Variants in ZDHHC2 observed in about 807,000 individuals in gnomAD.
The protein encoded by ZDHHC2 is zDHHC palmitoyltransferase 2.
ZDHHC2 carries 51 observed loss-of-function variants against 55.6 expected under a neutral mutation model. The ratio of observed to expected loss-of-function variants is 0.92; its 90% confidence interval spans 0.73 to 1.16. The LOEUF (loss-of-function observed/expected upper bound fraction) is 1.16, where lower values mean the gene tolerates loss of function less well. ZDHHC2 is among the 50% of genes most tolerant of loss of function. The pLI, the probability that ZDHHC2 is intolerant of heterozygous loss-of-function variation, is 0.00. For missense variants in ZDHHC2, 491 were observed against 442.4 expected (o/e 1.11, Z -0.99); for synonymous variants, 199 against 152.9 (o/e 1.30, Z -2.22).
At chr8:17,159,834 G>C (rs1210836266) in intron 1 of ZDHHC2, among the ~76,000 whole-genome samples, 3 of 152,182 alleles carry the variant, frequency 2.0e-5, no homozygotes, top group African/African-American at 7.2e-5. Context: ...TCTTCTATTT[G>C]TATTCCTCCC....
chr8:17,170,679 A>G (rs1290708886), intron 1 of ZDHHC2, among the ~76,000 whole-genome samples: 1 of 152,210 alleles, frequency 6.6e-6, no homozygotes, highest in Non-Finnish European at 1.5e-5. Flanking sequence ...ACGTTTGGTC[A>G]TGAAAAATAA....
intron 3 of ZDHHC2, among the ~76,000 whole-genome samples, chr8:17,193,239 A>G (rs914200539): frequency 2.0e-5 from 3 of 152,188 alleles, no homozygotes; most frequent in African/African-American, 7.2e-5. Context: ...CATCTGCATT[A>G]GGAGATACCC....
At chr8:17,193,756 A>G (rs1234474664) in intron 3 of ZDHHC2, among the ~76,000 whole-genome samples, 1 of 151,408 alleles carries the variant, frequency 6.6e-6, no homozygotes, top group Non-Finnish European at 1.5e-5. Context: ...GTAATAGTCC[A>G]TCAGTGGCTT....
At chr8:17,215,019 TA>T (rs2150949508) in intron 10 of ZDHHC2, among the ~76,000 whole-genome samples, 1 of 152,340 alleles carries the variant, frequency 6.6e-6, no homozygotes, top group Non-Finnish European at 1.5e-5. Context: ...CATCTTATGG[TA>T]AGCAGAAGAA....
Position 17,215,198 on chromosome 8 carries a change from G to T in ZDHHC2, c.951-39G>T, listed in dbSNP as rs200163054. ...CAATCAACTTTACTATCAAAAATTA[G>T]CTTATGATGATTTTGATGATTATTC... On this transcript the variant is annotated intron_variant, in intron 10 of 12. Transcript: ENST00000262096. 1.1e-4 allele frequency: 166 copies of T among 1,510,426 alleles called. 1 individual carries two copies. In the East Asian group the frequency reaches 3.3e-3, roughly 30 times the overall value. 93.6% of individuals were successfully genotyped at this position (1,510,426 alleles called of 1,614,324 possible).
intron 3 of ZDHHC2, among the ~76,000 whole-genome samples, chr8:17,187,763 CCT>C (rs1257992085): frequency 6.6e-6 from 1 of 152,122 alleles, no homozygotes; most frequent in Non-Finnish European, 1.5e-5. Flanking sequence ...TTACATACAA[CCT>C]CTGTTTTGAT....
Position 17,202,656 on chromosome 8 carries a change from A to G in ZDHHC2, c.477-2999A>G, listed in dbSNP as rs568127965. On this transcript the variant is annotated intron_variant, in intron 6 of 12. Transcript: ENST00000262096. Reference sequence around the variant, plus strand: ...CAATAGGCAGTTAAAATGTCTAGCCAAAAGCTGTCTATTGTGAAGACAGTA... The same window carrying G: ...CAATAGGCAGTTAAAATGTCTAGCCGAAAGCTGTCTATTGTGAAGACAGTA... Among the ~76,000 whole-genome samples the G allele has an allele frequency of 3.9e-5, 6 of 152,184 alleles. No homozygotes were observed. The East Asian group carries it at 1.2e-3, about 29-fold the overall frequency.
At position 17,223,160 on chromosome 8, in the gene ZDHHC2, G is replaced by C. The variant is rs1807990507; in HGVS notation, c.*2939G>C. On this transcript the variant is annotated 3_prime_UTR_variant, in exon 13 of 13. Transcript: ENST00000262096. ...TCCCTATTTTGAAATGCATGTAAAC[G>C]GGCTCGGCTGATTCTGAAATTGTAC... 1 of 151,736 alleles carries C rather than the reference G, an allele frequency of 6.6e-6. No individual in the cohort carries two copies. Among genetic ancestry groups the C allele is most frequent in the African/African-American group, 2.4e-5 (1 of 41,392 alleles). The allele number at this position is 151,736 out of a possible 1,614,324, so 9.4% of individuals were successfully genotyped here.
Position 17,221,285 on chromosome 8 carries a change from C to G in ZDHHC2, c.*1064C>G, listed in dbSNP as rs1041996483. 2 of 152,420 alleles carry G rather than the reference C, an allele frequency of 1.3e-5. No homozygotes were observed. Among genetic ancestry groups the G allele is most frequent in the Non-Finnish European group, 2.9e-5 (2 of 67,960 alleles). 9.4% of individuals were successfully genotyped at this position (152,420 alleles called of 1,614,324 possible). Reference sequence around the variant, plus strand: ...GTTAGTTCAACATGAACTAAAATGGCATGCTATTTGGAAATTTAGTTTGAG... The same window carrying G: ...GTTAGTTCAACATGAACTAAAATGGGATGCTATTTGGAAATTTAGTTTGAG... On this transcript the variant is annotated 3_prime_UTR_variant, in exon 13 of 13. Coordinates refer to ENST00000262096, the MANE Select transcript of ZDHHC2 (RefSeq NM_016353.5).
At chr8:17,176,053 A>G (rs1314449805) in intron 1 of ZDHHC2, among the ~76,000 whole-genome samples, 1 of 152,194 alleles carries the variant, frequency 6.6e-6, no homozygotes, top group Non-Finnish European at 1.5e-5. Context: ...GGCTGAAGTG[A>G]GGAGATTGGA....
intron 1 of ZDHHC2, among the ~76,000 whole-genome samples, chr8:17,160,570 G>C (rs780976244): frequency 6.6e-6 from 1 of 152,226 alleles, no homozygotes; most frequent in Non-Finnish European, 1.5e-5. Context: ...CTGTAATGCA[G>C]ATGTCCAGAT....
chr8:17,219,265 A>C (rs1452001142), intron 12 of ZDHHC2, among the ~76,000 whole-genome samples: 1 of 150,644 alleles, frequency 6.6e-6, no homozygotes, highest in Non-Finnish European at 1.5e-5. Context: ...AAAAAAAAAA[A>C]AAAAAAAAAA....
chr8:17,178,532 AG>A (rs1293279240), intron 1 of ZDHHC2, among the ~76,000 whole-genome samples: 2 of 152,206 alleles, frequency 1.3e-5, no homozygotes, highest in Non-Finnish European at 2.9e-5. Flanking sequence ...TCCCTGTCTC[AG>A]CTACCTAACT....
intron 9 of ZDHHC2, 83 bp downstream of exon 9, chr8:17,210,141 C>T: frequency 7.0e-7 from 1 of 1,426,746 alleles, no homozygotes; most frequent in Non-Finnish European, 9.4e-7. Flanking sequence ...CCTCTAGTTC[C>T]ATAGGCTTGT....
At chr8:17,159,351 C>G (rs1279940450) in intron 1 of ZDHHC2, among the ~76,000 whole-genome samples, 2 of 152,046 alleles carry the variant, frequency 1.3e-5, no homozygotes, top group South Asian at 2.1e-4. Flanking sequence ...GTGTGGGGGT[C>G]GAGGGCTGGG....
intron 4 of ZDHHC2, among the ~76,000 whole-genome samples, chr8:17,195,861 C>G (rs1806280673): frequency 6.6e-6 from 1 of 152,202 alleles, no homozygotes; most frequent in African/African-American, 2.4e-5. Context: ...CCTGTTCTGC[C>G]TACTTAGTTA....
chr8:17,213,088 C>T lies in ZDHHC2; in HGVS notation c.951-2149C>T, dbSNP rs142389451. ...GCATGTTCCTTATGTAGTGCCTTGT[C>T]CTTGCTAATTCCCTTTCCTTACCAT... On this transcript the variant is annotated intron_variant, in intron 10 of 12. Transcript: ENST00000262096. 3.6e-3 allele frequency among the ~76,000 whole-genome samples: 549 copies of T among 152,230 alleles called. 2 individuals are homozygous for T. Among genetic ancestry groups the T allele is most frequent in the African/African-American group, 0.013 (531 of 41,536 alleles).
intron 1 of ZDHHC2, among the ~76,000 whole-genome samples, chr8:17,171,657 T>G (rs1446508977): frequency 2.0e-5 from 3 of 152,056 alleles, no homozygotes; most frequent in Non-Finnish European, 4.4e-5. Context: ...CTTAGCTATT[T>G]AGAGCAATGA....
intron 3 of ZDHHC2, among the ~76,000 whole-genome samples, chr8:17,190,078 T>A (rs1805940094): frequency 6.6e-6 from 1 of 151,980 alleles, no homozygotes; most frequent in African/African-American, 2.4e-5. Context: ...ATAGCAAAAA[T>A]TTTTTTACGT....
Sources: gnomAD v4.1 joint callset for allele counts (sites outside exome capture counted in the v4.1 genomes callset) on GRCh38, gnomAD v4.1.1 for gene constraint, MANE v1.5 for transcripts, NCBI Gene and HGNC (gene_info 2026-07-23, HGNC 2026-07-21) for gene names.